Variants in ERI3 observed in about 807,000 individuals in gnomAD.
ERI3 encodes the protein ERI1 exoribonuclease 3.
A neutral mutation model predicts 44.4 loss-of-function variants in ERI3; 18 were observed. The observed-to-expected ratio is 0.41, with a 90% CI of 0.28 to 0.60. The LOEUF is 0.60. Ranked by LOEUF, ERI3 falls within the 20% of genes least tolerant of loss-of-function variation. The probability of loss-of-function intolerance (pLI) is 0.36; values close to 1 mark genes in which losing one functional copy is unlikely to be tolerated. For missense variants in ERI3, 294 were observed against 435.5 expected, an observed-to-expected ratio of 0.68 and a Z score of 2.89; for synonymous variants, 183 against 164.8, an observed-to-expected ratio of 1.11 and a Z score of -0.84.
At chr1:44,288,891 A>T (rs1349781149) in intron 6 of ERI3, among the ~76,000 whole-genome samples, 2 of 151,956 alleles carry the variant, frequency 1.3e-5, no homozygotes, top group Admixed American at 1.3e-4. Context: ...TGAATGCTGT[A>T]CATTCCTACC....
At chr1:44,309,033 T>G (rs371374194) in intron 5 of ERI3, among the ~76,000 whole-genome samples, 131 of 152,286 alleles carry the variant, frequency 8.6e-4, no homozygotes, top group South Asian at 2.7e-3. Flanking sequence ...TGGTTGAGGA[T>G]TCAAATTCAG....
At chr1:44,249,524 C>G (rs1007511044) in intron 7 of ERI3, among the ~76,000 whole-genome samples, 3 of 152,160 alleles carry the variant, frequency 2.0e-5, no homozygotes, top group African/African-American at 7.2e-5. Flanking sequence ...TACTAGGAGG[C>G]TAGGAGAAAG....
chr1:44,314,992 C>A (rs756946069), intron 4 of ERI3, among the ~76,000 whole-genome samples: 1 of 152,202 alleles, frequency 6.6e-6, no homozygotes, highest in Non-Finnish European at 1.5e-5. Context: ...TTATTACCAA[C>A]CCCAGATTAG....
At position 44,354,344 on chromosome 1, in the gene ERI3, G is replaced by A. The variant is rs541584537; in HGVS notation, c.135+548C>T. On this transcript the variant is annotated intron_variant, in intron 1 of 8. Transcript: ENST00000372257. ...GACAAAATCCAAACCCCCATTGAGG[G>A]GCCCCACATCCAGCATCTTCCAAGT... 189 of 985,372 alleles carry A rather than the reference G, an allele frequency of 1.9e-4. 2 individuals carry two copies. The South Asian group carries it at 6.3e-3, about 33-fold the overall frequency. 61.0% of individuals were successfully genotyped at this position (985,372 alleles called of 1,614,324 possible).
chr1:44,311,234 C>T (rs1282657334), intron 5 of ERI3, among the ~76,000 whole-genome samples: 1 of 152,078 alleles, frequency 6.6e-6, no homozygotes, highest in Non-Finnish European at 1.5e-5. Flanking sequence ...AAAACTGGGC[C>T]CTTATCACAG....
At chr1:44,310,960 C>CGCGCGCGT (rs1645951965) in intron 5 of ERI3, among the ~76,000 whole-genome samples, 2 of 81,790 alleles carry the variant, frequency 2.4e-5, no homozygotes, top group African/African-American at 5.0e-5. Flanking sequence ...ATCGCGCGCG[C>CGCGCGCGT]GCGCACACAC....
intron 5 of ERI3, among the ~76,000 whole-genome samples, chr1:44,312,480 C>T (rs182490411): frequency 6.6e-6 from 1 of 152,186 alleles, no homozygotes; most frequent in East Asian, 1.9e-4. Context: ...CGGGCTACAG[C>T]GCAAGAAACA....
intron 6 of ERI3, among the ~76,000 whole-genome samples, chr1:44,306,137 A>T: frequency 6.6e-6 from 1 of 152,210 alleles, no homozygotes; most frequent in East Asian, 1.9e-4. Flanking sequence ...ACCTGCTTAT[A>T]AGAGGCAGCC....
At chr1:44,260,186 G>A (rs756232162) in intron 7 of ERI3, among the ~76,000 whole-genome samples, 33 of 152,160 alleles carry the variant, frequency 2.2e-4, no homozygotes, top group Non-Finnish European at 2.4e-4. Context: ...GTCCTTTGAC[G>A]GGAAACAGAC....
intron 7 of ERI3, among the ~76,000 whole-genome samples, chr1:44,250,413 A>G (rs1019623027): frequency 1.1e-4 from 16 of 152,200 alleles, no homozygotes; most frequent in African/African-American, 3.9e-4. Context: ...TATTATTGTA[A>G]TTATGACTCC....
chr1:44,302,101 T>C (rs777036956), intron 6 of ERI3, among the ~76,000 whole-genome samples: 4 of 152,218 alleles, frequency 2.6e-5, no homozygotes, highest in Non-Finnish European at 5.9e-5. Context: ...CTGGCAGGCC[T>C]GCTGTGTCCC....
rs538466189 is a variant in ERI3 at position 44,317,517 on chromosome 1, G to A, written c.606+2111C>T. Among the ~76,000 whole-genome samples, 35 of 152,218 alleles carry A rather than the reference G, an allele frequency of 2.3e-4. No homozygotes were observed. In the South Asian group the frequency reaches 7.0e-3, roughly 31 times the overall value. Reference sequence around the variant, plus strand: ...TGGGAGAGACAGAAAATAACTCCTTGACAATATTCATTCATTTAAGGGACA... The same window carrying A: ...TGGGAGAGACAGAAAATAACTCCTTAACAATATTCATTCATTTAAGGGACA... On this transcript the variant is annotated intron_variant, in intron 4 of 8. Transcript: ENST00000372257.
intron 7 of ERI3, among the ~76,000 whole-genome samples, chr1:44,268,857 CAGGG>C (rs1480147369): frequency 6.6e-6 from 1 of 152,190 alleles, no homozygotes; most frequent in Admixed American, 6.5e-5. Flanking sequence ...CACAAAGAAA[CAGGG>C]AGACAACAAG....
At chr1:44,341,542 T>C (rs2524354) in intron 2 of ERI3, among the ~76,000 whole-genome samples, 98,078 of 152,054 alleles carry the variant, frequency 0.65, 32,881 homozygotes, top group East Asian at 0.81. Context: ...TGATGGCCAG[T>C]GGTCCTCTTG....
chr1:44,322,788 G>A (rs1646230665), intron 3 of ERI3: 1 of 1,550,114 alleles, frequency 6.5e-7, no homozygotes. Context: ...GGCCCAAACA[G>A]CCCAGTAGTG....
chr1:44,346,825 T>C (rs1308226206), intron 2 of ERI3, among the ~76,000 whole-genome samples: 2 of 152,176 alleles, frequency 1.3e-5, no homozygotes, highest in African/African-American at 4.8e-5. Flanking sequence ...ATAATACCTA[T>C]GTCTTTGGGA....
At chr1:44,354,354 C>A (rs568238765) in intron 1 of ERI3, 2 of 985,462 alleles carry the variant, frequency 2.0e-6, no homozygotes. Flanking sequence ...GGCCCCACAT[C>A]CAGCATCTTC....
chr1:44,285,389 C>T (rs571362934), intron 6 of ERI3, among the ~76,000 whole-genome samples: 1 of 152,256 alleles, frequency 6.6e-6, no homozygotes, highest in East Asian at 1.9e-4. Context: ...TATTTTGTTA[C>T]AGCAGAGAGG....
chr1:44,302,603 A>G lies in ERI3; in HGVS notation c.758+5707T>C, dbSNP rs79542101. Reference sequence around the variant, plus strand: ...GGAAGGAGGCTCTCAGGCAGCCCCTAATCATCCCCACCACATCTCCTGGCC... The same window carrying G: ...GGAAGGAGGCTCTCAGGCAGCCCCTGATCATCCCCACCACATCTCCTGGCC... On this transcript the variant is annotated intron_variant, in intron 6 of 8. Coordinates refer to ENST00000372257, the MANE Select transcript of ERI3 (RefSeq NM_024066.3). 4.5e-3 allele frequency among the ~76,000 whole-genome samples: 683 copies of G among 152,344 alleles called. 4 individuals carry two copies. Among genetic ancestry groups the G allele is most frequent in the African/African-American group, 0.016 (657 of 41,576 alleles).
Sources: allele counts gnomAD v4.1 joint callset (sites outside exome capture counted in the v4.1 genomes callset), GRCh38; gene constraint gnomAD v4.1.1; transcripts MANE v1.5; gene names NCBI Gene and HGNC (gene_info 2026-07-23, HGNC 2026-07-21).